The following GABRB1 variants were observed in gnomAD, a reference collection of about 807,000 sequenced individuals.
GABRB1 encodes gamma-aminobutyric acid receptor subunit beta-1.
Under a neutral mutation model 51.6 loss-of-function variants are expected in GABRB1, and 17 were observed. The ratio of observed to expected loss-of-function variants is 0.33; its 90% confidence interval spans 0.23 to 0.49. The LOEUF is 0.49. Ranked by LOEUF, GABRB1 falls within the 20% of genes least tolerant of loss-of-function variation. The pLI is 0.99. For synonymous variants in GABRB1, 247 were observed against 218.9 expected (o/e 1.13, Z -1.14); for missense variants, 410 against 600.6 (o/e 0.68, Z 3.32).
intron 1 of GABRB1, among the ~76,000 whole-genome samples, chr4:47,002,430 A>G (rs559442865): frequency 4.6e-5 from 7 of 152,282 alleles, no homozygotes; most frequent in African/African-American, 1.4e-4. Flanking sequence ...TCCTCTTTTA[A>G]ATATATTTAT....
chr4:47,098,215 T>C (rs1680236292), intron 3 of GABRB1, among the ~76,000 whole-genome samples: 1 of 151,734 alleles, frequency 6.6e-6, no homozygotes, highest in South Asian at 2.1e-4. Context: ...ATTTCTTTCT[T>C]CCTTCTCTCT....
chr4:47,081,741 C>T (rs555782462), intron 3 of GABRB1, among the ~76,000 whole-genome samples: 17 of 152,106 alleles, frequency 1.1e-4, no homozygotes, highest in African/African-American at 3.9e-4. Context: ...ATATAATTAA[C>T]GTCTACTGGC....
At chr4:47,042,042 C>T (rs1725868396) in intron 3 of GABRB1, among the ~76,000 whole-genome samples, 1 of 151,942 alleles carries the variant, frequency 6.6e-6, no homozygotes, top group African/African-American at 2.4e-5. Context: ...ATATAAAGGT[C>T]TTCCTAACCT....
At chr4:47,328,594 A>G (rs1281108238) in intron 5 of GABRB1, among the ~76,000 whole-genome samples, 1 of 152,238 alleles carries the variant, frequency 6.6e-6, no homozygotes, top group East Asian at 1.9e-4. Context: ...GCCATAAAAA[A>G]TGATGAGTTC....
chr4:47,261,862 A>C (rs973124767), intron 4 of GABRB1, among the ~76,000 whole-genome samples: 1 of 152,240 alleles, frequency 6.6e-6, no homozygotes, highest in African/African-American at 2.4e-5. Flanking sequence ...TCAATGGAAG[A>C]GAACAGAGCC....
At chr4:47,162,927 G>T (rs1023367562) in intron 4 of GABRB1, among the ~76,000 whole-genome samples, 1 of 151,998 alleles carries the variant, frequency 6.6e-6, no homozygotes, top group African/African-American at 2.4e-5. Context: ...AATTTTCTCT[G>T]TAAGAGCCTC....
intron 8 of GABRB1, among the ~76,000 whole-genome samples, chr4:47,419,149 G>A (rs1729021607): frequency 6.6e-6 from 1 of 152,126 alleles, no homozygotes; most frequent in Admixed American, 6.5e-5. Context: ...AACTTTGTCT[G>A]TTTTGCTCAC....
rs537417869 is a variant in GABRB1 at position 47,219,929 on chromosome 4, A to G, written c.461+58460A>G. Among the ~76,000 whole-genome samples, 5 of 151,968 alleles carry G rather than the reference A, an allele frequency of 3.3e-5. No homozygotes were observed. In the South Asian group the frequency reaches 1.0e-3, roughly 32 times the overall value. On this transcript the variant is annotated intron_variant, in intron 4 of 8. Transcript: ENST00000295454. ...TACTTGTCTTCCTTCCTAAACCTAG[A>G]TCTCACATTCAGCCATTTTAGTATT...
chr4:47,083,330 A>G (rs2109571443), intron 3 of GABRB1, among the ~76,000 whole-genome samples: 1 of 152,246 alleles, frequency 6.6e-6, no homozygotes, highest in East Asian at 1.9e-4. Context: ...ACCTTTCTTG[A>G]GACAACCATT....
intron 8 of GABRB1, 56 bp downstream of exon 8, chr4:47,406,982 G>C: frequency 6.5e-7 from 1 of 1,532,182 alleles, no homozygotes; most frequent in Non-Finnish European, 8.9e-7. Flanking sequence ...GCATCATGAT[G>C]CCTCGGGCTC....
At chr4:47,402,197 T>C (rs749806207) in intron 5 of GABRB1, among the ~76,000 whole-genome samples, 2 of 152,198 alleles carry the variant, frequency 1.3e-5, no homozygotes, top group Admixed American at 6.5e-5. Flanking sequence ...GGTGACCCTT[T>C]GGCACCTGGC....
intron 4 of GABRB1, among the ~76,000 whole-genome samples, chr4:47,184,603 C>T (rs1295931047): frequency 6.6e-6 from 1 of 151,934 alleles, no homozygotes; most frequent in African/African-American, 2.4e-5. Context: ...TTCCTGTTAA[C>T]ACCTGTGGTT....
chr4:47,420,943 AACACACAC>A (rs71654875), intron 8 of GABRB1, among the ~76,000 whole-genome samples: 6 of 140,970 alleles, frequency 4.3e-5, no homozygotes, highest in East Asian at 2.0e-4. Flanking sequence ...TACACACACA[AACACACAC>A]ACACACACAC....
chr4:47,124,464 A>G (rs1043812053), intron 3 of GABRB1, among the ~76,000 whole-genome samples: 6 of 152,192 alleles, frequency 3.9e-5, no homozygotes, highest in African/African-American at 1.4e-4. Context: ...AAGAAGAATC[A>G]GGCAAATATA....
At chr4:47,078,719 T>C (rs943654199) in intron 3 of GABRB1, among the ~76,000 whole-genome samples, 17 of 152,208 alleles carry the variant, frequency 1.1e-4, no homozygotes, top group African/African-American at 3.6e-4. Context: ...CAATTTCATC[T>C]CTGGGTCCTG....
chr4:47,121,546 C>T (rs1340913171), intron 3 of GABRB1, among the ~76,000 whole-genome samples: 1 of 152,132 alleles, frequency 6.6e-6, no homozygotes, highest in Non-Finnish European at 1.5e-5. Flanking sequence ...GGCCATCTTG[C>T]TTCACCTCCC....
At chr4:47,079,644 T>C (rs1280357020) in intron 3 of GABRB1, among the ~76,000 whole-genome samples, 1 of 151,866 alleles carries the variant, frequency 6.6e-6, no homozygotes, top group Non-Finnish European at 1.5e-5. Context: ...GTGGCACATA[T>C]ACACCATGGA....
chr4:47,379,852 C>G (rs2110028014), intron 5 of GABRB1, among the ~76,000 whole-genome samples: 1 of 152,250 alleles, frequency 6.6e-6, no homozygotes, highest in Middle Eastern at 3.4e-3. Context: ...TAATACTGCC[C>G]TAACAAGGCT....
At chr4:47,400,763 A>G (rs1368824648) in intron 5 of GABRB1, among the ~76,000 whole-genome samples, 1 of 151,948 alleles carries the variant, frequency 6.6e-6, no homozygotes, top group Non-Finnish European at 1.5e-5. Flanking sequence ...TCCTTATACC[A>G]CTGTGTATGC....
Sources: gnomAD v4.1 joint callset for allele counts (sites outside exome capture counted in the v4.1 genomes callset) on GRCh38, gnomAD v4.1.1 for gene constraint, MANE v1.5 for transcripts, NCBI Gene and HGNC (gene_info 2026-07-23, HGNC 2026-07-21) for gene names.